PPHLN1: variants seen among roughly 807,000 people sequenced by gnomAD.
PPHLN1 encodes the protein periphilin-1.
PPHLN1 carries 29 observed loss-of-function variants against 51.3 expected under a neutral mutation model. That is an observed-to-expected ratio of 0.57 (90% CI 0.42 to 0.77). The LOEUF (loss-of-function observed/expected upper bound fraction) is 0.77, where lower values mean the gene tolerates loss of function less well. PPHLN1 is among the 30% of genes least tolerant of loss of function. The pLI is 0.00. For missense variants in PPHLN1, 436 were observed against 438.4 expected, an observed-to-expected ratio of 0.99 and a Z score of 0.05; for synonymous variants, 147 against 147.8, an observed-to-expected ratio of 0.99 and a Z score of 0.04.
chr12:42,391,979 G>A (rs1360904849), intron 7 of PPHLN1, among the ~76,000 whole-genome samples: 3 of 152,182 alleles, frequency 2.0e-5, no homozygotes, highest in Admixed American at 2.0e-4. Flanking sequence ...CACTTTGGGA[G>A]GCCGAGGCAG....
At chr12:42,433,394 C>G (rs2082209405) in intron 9 of PPHLN1, 2 of 375,450 alleles carry the variant, frequency 5.3e-6, no homozygotes, top group Non-Finnish European at 1.0e-5. Flanking sequence ...GCGTTCTCTG[C>G]TCACTGCAAG....
chr12:42,400,798 T>TCACA (rs67724902), intron 9 of PPHLN1, among the ~76,000 whole-genome samples: 3,549 of 142,572 alleles, frequency 0.025, 92 homozygotes, highest in African/African-American at 0.071. Context: ...TCTCTCTCTT[T>TCACA]CACACACACA....
chr12:42,402,453 T>C (rs1344280408), intron 9 of PPHLN1, among the ~76,000 whole-genome samples: 1 of 152,338 alleles, frequency 6.6e-6, no homozygotes, highest in South Asian at 2.1e-4. Flanking sequence ...CTACTTAATA[T>C]ATTTTTTATT....
intron 2 of PPHLN1, among the ~76,000 whole-genome samples, chr12:42,349,295 C>T (rs982202758): frequency 1.3e-5 from 2 of 152,138 alleles, no homozygotes; most frequent in Non-Finnish European, 2.9e-5. Flanking sequence ...TCATTTAGTC[C>T]TCACAGTGCC....
At chr12:42,432,084 C>A (rs1425103601) in intron 9 of PPHLN1, 1 of 1,563,702 alleles carries the variant, frequency 6.4e-7, no homozygotes, top group African/African-American at 1.3e-5. Context: ...ACGACCTCGA[C>A]CCCCTGAAAC....
intron 5 of PPHLN1, among the ~76,000 whole-genome samples, chr12:42,380,553 A>G (rs1203118594): frequency 1.3e-5 from 2 of 152,148 alleles, no homozygotes; most frequent in South Asian, 2.1e-4. Flanking sequence ...AGAAAAAGAC[A>G]TACGTCTTAA....
At chr12:42,399,096 A>G (rs1461835441) in intron 9 of PPHLN1, 102 bp downstream of exon 9, 1 of 1,486,706 alleles carries the variant, frequency 6.7e-7, no homozygotes, top group Non-Finnish European at 8.9e-7. Context: ...TTCCACCTGT[A>G]ACTCTAAAAC....
intron 4 of PPHLN1, among the ~76,000 whole-genome samples, chr12:42,356,074 G>A (rs1344972585): frequency 6.6e-6 from 1 of 151,984 alleles, no homozygotes; most frequent in Non-Finnish European, 1.5e-5. Flanking sequence ...TTGATTGATA[G>A]TTTTTGTTTT....
At chr12:42,348,379 C>T (rs1047077143) in intron 2 of PPHLN1, among the ~76,000 whole-genome samples, 11 of 150,828 alleles carry the variant, frequency 7.3e-5, no homozygotes, top group African/African-American at 2.4e-4. Flanking sequence ...GCCTTGACCT[C>T]CCAAAGTGCT....
At chr12:42,384,609 G>T (rs2077037165) in intron 5 of PPHLN1, among the ~76,000 whole-genome samples, 1 of 152,152 alleles carries the variant, frequency 6.6e-6, no homozygotes, top group South Asian at 2.1e-4. Context: ...TGATGAATAA[G>T]ATGTGATCTT....
intron 5 of PPHLN1, among the ~76,000 whole-genome samples, chr12:42,384,594 T>C (rs1196448368): frequency 6.6e-6 from 1 of 152,184 alleles, no homozygotes; most frequent in East Asian, 1.9e-4. Flanking sequence ...ACTAGGTACT[T>C]TCAGTGATGA....
At chr12:42,437,990 T>G (rs143568683) in intron 9 of PPHLN1, among the ~76,000 whole-genome samples, 1 of 152,322 alleles carries the variant, frequency 6.6e-6, no homozygotes, top group Non-Finnish European at 1.5e-5. Context: ...TTCTTTCGTG[T>G]CATTTTGTGG....
chr12:42,361,639 TTTTG>T (rs2074699296), intron 4 of PPHLN1: 1 of 152,226 alleles, frequency 6.6e-6, no homozygotes, highest in Non-Finnish European at 1.5e-5. Flanking sequence ...GGTTGGTTGG[TTTTG>T]TTTTTCAAAT....
In PPHLN1 at chr12:42,352,035, C is replaced by A. The variant is rs776469029; in HGVS notation, c.223C>A (p.Pro75Thr). Residue 75 changes from proline (P) to threonine (T), a missense_variant, in exon 3 of 10, where the codon CCA becomes ACA. Pro to Thr is a conservative substitution (Grantham distance 38). Coordinates refer to ENST00000358314, the MANE Select transcript of PPHLN1 (RefSeq NM_201439.2). ...TTTTTCTCATGATCGAAGAAGTGGTCCACCTCACAGAGGAGTATGTAAATT... is the reference window on the plus strand; with the variant it reads ...TTTTTCTCATGATCGAAGAAGTGGTACACCTCACAGAGGAGTATGTAAATT... Reference protein sequence around the residue: ...RSFSHDRRSGPPHRGDESGYR... With the variant: ...RSFSHDRRSGTPHRGDESGYR... 26 of 1,527,592 alleles carry A rather than the reference C, an allele frequency of 1.7e-5. No individual in the cohort carries two copies. Among genetic ancestry groups the A allele is most frequent in the African/African-American group, 4.3e-5 (3 of 69,956 alleles). The allele number at this position is 1,527,592 out of a possible 1,614,324, so 94.6% of individuals were successfully genotyped here.
chr12:42,365,152 G>A (rs553304748), intron 4 of PPHLN1, among the ~76,000 whole-genome samples: 6 of 152,248 alleles, frequency 3.9e-5, no homozygotes, highest in Non-Finnish European at 8.8e-5. Context: ...AGCTTAAGTC[G>A]CAGTGTCTGT....
intron 3 of PPHLN1, among the ~76,000 whole-genome samples, chr12:42,354,545 A>G (rs1045348202): frequency 6.6e-6 from 1 of 152,146 alleles, no homozygotes; most frequent in African/African-American, 2.4e-5. Context: ...TTTGGTGTGG[A>G]TTGCTATATG....
chr12:42,446,740 G>T (rs1256537233), downstream of PPHLN1: 2 of 1,299,534 alleles, frequency 1.5e-6, no homozygotes, highest in African/African-American at 3.0e-5. Flanking sequence ...AAGCTATAAG[G>T]AAAGACGCAA....
At chr12:42,430,126 A>G (rs932558602) in intron 9 of PPHLN1, among the ~76,000 whole-genome samples, 4 of 151,944 alleles carry the variant, frequency 2.6e-5, no homozygotes, top group African/African-American at 9.7e-5. Context: ...CTTTCAGCCT[A>G]CCCCCTTGAC....
chr12:42,331,587 A>G (rs945252031), intron 1 of PPHLN1, among the ~76,000 whole-genome samples: 2 of 152,220 alleles, frequency 1.3e-5, no homozygotes, highest in African/African-American at 4.8e-5. Flanking sequence ...CCATGATGGT[A>G]TATTAAACAT....
Sources: gnomAD v4.1 joint callset for allele counts (sites outside exome capture counted in the v4.1 genomes callset) on GRCh38, gnomAD v4.1.1 for gene constraint, MANE v1.5 for transcripts, NCBI Gene and HGNC (gene_info 2026-07-23, HGNC 2026-07-21) for gene names.